The following GALNT5 variants were observed in gnomAD, a reference collection of about 807,000 sequenced individuals.
GALNT5 encodes the protein UDP-GalNAc:polypeptide N-acetylgalactosaminyltransferase 5.
In GALNT5, 72 loss-of-function variants were observed where a neutral mutation model predicts 85.4. The ratio of observed to expected loss-of-function variants is 0.84; its 90% CI spans 0.70 to 1.03. GALNT5 has a LOEUF of 1.03. Among genes scored for constraint, GALNT5 ranks in the 50% least tolerant of loss-of-function variants. GALNT5 has a pLI of 0.00. For synonymous variants in GALNT5, 404 were observed against 397.0 expected (o/e 1.02, Z -0.21); for missense variants, 1,137 against 1,135.5 (o/e 1.00, Z -0.02).
chr2:157,258,047 T>C lies in GALNT5; in HGVS notation c.-36T>C. ...TCCTCTCCACTCAAGGTAAGCAGGC[T>C]AAGGGAGGGCAGGCTGCTAGGGAAA... On this transcript the variant is annotated 5_prime_UTR_variant, in exon 1 of 10. Coordinates refer to ENST00000259056, the MANE Select transcript of GALNT5 (RefSeq NM_014568.3). 6.2e-7 allele frequency: 1 copy of C among 1,607,630 alleles called. No homozygotes were observed. Among genetic ancestry groups the C allele is most frequent in the South Asian group, 1.1e-5 (1 of 90,944 alleles).
At chr2:157,303,003 A>G (rs1402870410) in intron 7 of GALNT5, among the ~76,000 whole-genome samples, 1 of 152,236 alleles carries the variant, frequency 6.6e-6, no homozygotes, top group Non-Finnish European at 1.5e-5. Context: ...TTTTAGATAG[A>G]CAATCGTGGA....
chr2:157,283,547 C>T (rs1238015875), intron 1 of GALNT5, among the ~76,000 whole-genome samples: 1 of 152,122 alleles, frequency 6.6e-6, no homozygotes, highest in African/African-American at 2.4e-5. Context: ...AGCAAGGAAG[C>T]CCCGGATACG....
chr2:157,271,485 G>A (rs576359900), intron 1 of GALNT5, among the ~76,000 whole-genome samples: 5 of 152,210 alleles, frequency 3.3e-5, no homozygotes, highest in Non-Finnish European at 7.3e-5. Context: ...TAATCCTGGA[G>A]AAAGAGAGTG....
At chr2:157,281,224 C>T (rs1682848073) in intron 1 of GALNT5, among the ~76,000 whole-genome samples, 1 of 152,076 alleles carries the variant, frequency 6.6e-6, no homozygotes, top group Non-Finnish European at 1.5e-5. Context: ...GCAACGATGC[C>T]CAGCTAATTT....
Position 157,290,481 on chromosome 2 carries a change from T to C in GALNT5, c.1741+4347T>C, listed in dbSNP as rs183783389. Among the ~76,000 whole-genome samples the C allele has an allele frequency of 4.4e-3, 673 of 152,212 alleles. 8 individuals are homozygous for C. The highest frequency in any genetic ancestry group is 0.018 in the Admixed American group (269 of 15,292). On this transcript the variant is annotated intron_variant, in intron 3 of 9. Transcript: ENST00000259056. Reference sequence around the variant, plus strand: ...CATTGAGCAGAGATGGCAGGCGTGGTGGGTCCTCTCAAACTCCCCTGGGTG... The same window carrying C: ...CATTGAGCAGAGATGGCAGGCGTGGCGGGTCCTCTCAAACTCCCCTGGGTG...
chr2:157,300,586 G>T, intron 6 of GALNT5, 90 bp from the exon 7 acceptor site: 1 of 982,554 alleles, frequency 1.0e-6, no homozygotes. Context: ...TTCAGGTAGG[G>T]GGAAACAAGG....
At chr2:157,284,226 C>T (rs1216252796) in intron 1 of GALNT5, 56 bp from the exon 2 acceptor site, 15 of 1,485,152 alleles carry the variant, frequency 1.0e-5, no homozygotes, top group Non-Finnish European at 1.3e-5. Flanking sequence ...ACTTTTAAAA[C>T]TATCTTGTGG....
intron 3 of GALNT5, among the ~76,000 whole-genome samples, 198 bp downstream of exon 3, chr2:157,286,332 G>C (rs183954104): frequency 6.6e-6 from 1 of 152,018 alleles, no homozygotes; most frequent in African/African-American, 2.4e-5. Flanking sequence ...CTTTTTTCCT[G>C]AACCTTTGAA....
chr2:157,276,282 C>CT (rs1030758509), intron 1 of GALNT5, among the ~76,000 whole-genome samples: 53 of 152,092 alleles, frequency 3.5e-4, no homozygotes, highest in African/African-American at 1.3e-3. Context: ...CTAAAATTCT[C>CT]TTTTTTTGTT....
chr2:157,274,740 A>T (rs1468013101), intron 1 of GALNT5, among the ~76,000 whole-genome samples: 3 of 152,204 alleles, frequency 2.0e-5, no homozygotes, highest in Non-Finnish European at 2.9e-5. Context: ...GCCCTTTGTC[A>T]GATGGGTAGA....
intron 1 of GALNT5, among the ~76,000 whole-genome samples, chr2:157,261,652 CT>C (rs1187855868): frequency 5.9e-5 from 9 of 152,200 alleles, no homozygotes; most frequent in Admixed American, 3.9e-4. Context: ...TTTTTCAGTC[CT>C]TTTGTAGTCC....
At chr2:157,281,152 C>T (rs1682846395) in intron 1 of GALNT5, among the ~76,000 whole-genome samples, 1 of 152,180 alleles carries the variant, frequency 6.6e-6, no homozygotes, top group Non-Finnish European at 1.5e-5. Context: ...CAACCTCCAC[C>T]TCCAGGGTTC....
At position 157,257,847 on chromosome 2, in the gene GALNT5, CCAGGGCCAGCCAAG is replaced by C; in HGVS notation, c.-231_-218del. ...AAGGCCAGTGTTTATCAGAACTTAG[CCAGGGCCAGCCAAG>C]CAGGCACAGATGCTCTGCTATGAAA... On this transcript the variant is annotated 5_prime_UTR_variant, in exon 1 of 10. Transcript: ENST00000259056. 1.8e-6 allele frequency: 1 copy of C among 547,098 alleles called. No individual in the cohort carries two copies. The highest frequency in any genetic ancestry group is 3.3e-6 in the Non-Finnish European group (1 of 304,382). 33.9% of individuals were successfully genotyped at this position (547,098 alleles called of 1,614,324 possible).
chr2:157,281,964 G>A (rs1682864038), intron 1 of GALNT5, among the ~76,000 whole-genome samples: 1 of 152,194 alleles, frequency 6.6e-6, no homozygotes, highest in South Asian at 2.1e-4. Context: ...GGAAGGAACT[G>A]TTAAGCAGAA....
At chr2:157,282,658 G>A (rs1443762354) in intron 1 of GALNT5, among the ~76,000 whole-genome samples, 1 of 152,110 alleles carries the variant, frequency 6.6e-6, no homozygotes, top group African/African-American at 2.4e-5. Context: ...GTTCAAAGAA[G>A]TAGTAAAGCT....
At chr2:157,293,726 G>A (rs1558899909) in intron 3 of GALNT5, among the ~76,000 whole-genome samples, 1 of 152,120 alleles carries the variant, frequency 6.6e-6, no homozygotes, top group African/African-American at 2.4e-5. Flanking sequence ...TGTTAACCAA[G>A]TAATTAATAC....
chr2:157,265,037 A>C (rs895271763), intron 1 of GALNT5, among the ~76,000 whole-genome samples: 3 of 152,176 alleles, frequency 2.0e-5, no homozygotes, highest in African/African-American at 4.8e-5. Context: ...CATGAGATGA[A>C]TTCAAAAGGA....
At chr2:157,269,371 A>G (rs537444377) in intron 1 of GALNT5, among the ~76,000 whole-genome samples, 23 of 152,292 alleles carry the variant, frequency 1.5e-4, no homozygotes, top group South Asian at 1.0e-3. Context: ...TTGTATTGGA[A>G]ATCTCAGGCA....
At chr2:157,272,744 T>C (rs1180089404) in intron 1 of GALNT5, among the ~76,000 whole-genome samples, 1 of 152,364 alleles carries the variant, frequency 6.6e-6, no homozygotes, top group East Asian at 1.9e-4. Flanking sequence ...TTCCATGATA[T>C]ATATGTATCA....
Sources: gnomAD v4.1 joint callset for allele counts (sites outside exome capture counted in the v4.1 genomes callset) on GRCh38, gnomAD v4.1.1 for gene constraint, MANE v1.5 for transcripts, NCBI Gene and HGNC (gene_info 2026-07-23, HGNC 2026-07-21) for gene names.